Variants in SLC35F3 observed in about 807,000 individuals in gnomAD.
SLC35F3 encodes the protein putative thiamine transporter SLC35F3.
A neutral mutation model predicts 49.9 loss-of-function variants in SLC35F3; 25 were observed. The observed-to-expected ratio is 0.50, with a 90% CI of 0.37 to 0.70. SLC35F3 has a LOEUF of 0.70. Among genes scored for constraint, SLC35F3 ranks in the 30% least tolerant of loss-of-function variants. The pLI is 0.00. For missense variants in SLC35F3, 525 were observed against 639.8 expected (o/e 0.82, Z 1.94); for synonymous variants, 275 against 265.4 (o/e 1.04, Z -0.35).
At chr1:234,101,639 A>G (rs937370107) in intron 2 of SLC35F3, among the ~76,000 whole-genome samples, 3 of 152,274 alleles carry the variant, frequency 2.0e-5, no homozygotes, top group Admixed American at 1.3e-4. Context: ...TCCTGAGCCC[A>G]GAATAGCACT....
intron 2 of SLC35F3, among the ~76,000 whole-genome samples, chr1:234,178,461 GA>G (rs35770557): frequency 0.49 from 68,734 of 140,886 alleles, 17,574 homozygotes; most frequent in Non-Finnish European, 0.61. Context: ...CTCTCCTAAG[GA>G]AAAAAAAAAA....
At chr1:234,202,695 A>C (rs1420696812) in intron 2 of SLC35F3, among the ~76,000 whole-genome samples, 1 of 152,236 alleles carries the variant, frequency 6.6e-6, no homozygotes. Flanking sequence ...CCAGGGCACC[A>C]CAGAGATTGG....
chr1:234,190,718 T>A (rs1438249689), intron 2 of SLC35F3, among the ~76,000 whole-genome samples: 1 of 152,182 alleles, frequency 6.6e-6, no homozygotes, highest in Non-Finnish European at 1.5e-5. Flanking sequence ...CAACTTGACT[T>A]AACGGATATT....
At chr1:234,067,232 T>C (rs1664635347) in intron 2 of SLC35F3, among the ~76,000 whole-genome samples, 1 of 152,182 alleles carries the variant, frequency 6.6e-6, no homozygotes, top group African/African-American at 2.4e-5. Flanking sequence ...GGGGTTTATA[T>C]TTGCCTCAAT....
intron 2 of SLC35F3, among the ~76,000 whole-genome samples, chr1:234,058,328 ATTTTTTTTTT>A (rs56960667): frequency 2.3e-4 from 9 of 39,792 alleles, no homozygotes; most frequent in Admixed American, 6.7e-4. Flanking sequence ...ATGTTCCTGA[ATTTTTTTTTT>A]TTTTTTTTTT....
intron 2 of SLC35F3, among the ~76,000 whole-genome samples, chr1:233,927,232 G>A (rs4561098): frequency 0.021 from 3,186 of 152,104 alleles, 93 homozygotes; most frequent in African/African-American, 0.072. Flanking sequence ...TGTAGATTTT[G>A]TGTGAACATA....
chr1:234,138,696 C>T lies in SLC35F3; in HGVS notation c.284-92721C>T, dbSNP rs533850017. 8.5e-5 allele frequency among the ~76,000 whole-genome samples: 13 copies of T among 152,204 alleles called. No homozygotes were observed. In the East Asian group the frequency reaches 1.2e-3, roughly 14 times the overall value. ...CCAAGTAGCTGTGATTATAGGTGTGCGCCACCATGCTTAGCTAATTTTTTA... is the reference window on the plus strand; with the variant it reads ...CCAAGTAGCTGTGATTATAGGTGTGTGCCACCATGCTTAGCTAATTTTTTA... On this transcript the variant is annotated intron_variant, in intron 2 of 7. Coordinates refer to ENST00000366618, the MANE Select transcript of SLC35F3 (RefSeq NM_173508.4).
chr1:234,189,663 G>C (rs1461751400), intron 2 of SLC35F3, among the ~76,000 whole-genome samples: 2 of 151,970 alleles, frequency 1.3e-5, no homozygotes, highest in African/African-American at 4.8e-5. Flanking sequence ...TAATTAAGGA[G>C]AACTTCCTCA....
At chr1:233,920,888 C>T (rs113508602) in intron 2 of SLC35F3, among the ~76,000 whole-genome samples, 187 of 152,296 alleles carry the variant, frequency 1.2e-3, no homozygotes, top group African/African-American at 4.1e-3. Flanking sequence ...CAGTCAACAA[C>T]GCTGTAGGCA....
At position 234,132,449 on chromosome 1, in the gene SLC35F3, C is replaced by T. The variant is rs1364470340; in HGVS notation, c.284-98968C>T. 2.6e-5 allele frequency among the ~76,000 whole-genome samples: 4 copies of T among 152,290 alleles called. No homozygotes were observed. In the South Asian group the frequency reaches 6.2e-4, roughly 24 times the overall value. On this transcript the variant is annotated intron_variant, in intron 2 of 7. Coordinates refer to ENST00000366618, the MANE Select transcript of SLC35F3 (RefSeq NM_173508.4). ...CAAAATTTCACATTTTTGGCATGTGCGGCCAAGTTTGCATCCAAAGGTTGG... is the reference window on the plus strand; with the variant it reads ...CAAAATTTCACATTTTTGGCATGTGTGGCCAAGTTTGCATCCAAAGGTTGG...
chr1:234,215,843 C>T (rs1032297454), intron 2 of SLC35F3, among the ~76,000 whole-genome samples: 44 of 152,298 alleles, frequency 2.9e-4, no homozygotes, highest in African/African-American at 8.7e-4. Context: ...GGTGGGTTAA[C>T]GTGTCCTAGA....
intron 2 of SLC35F3, among the ~76,000 whole-genome samples, chr1:234,093,409 A>G (rs1326490641): frequency 6.6e-6 from 1 of 152,184 alleles, no homozygotes; most frequent in Non-Finnish European, 1.5e-5. Flanking sequence ...CCTAGTCCTC[A>G]CCGTATCTCC....
chr1:234,303,479 C>CT (rs1186450037), intron 3 of SLC35F3, among the ~76,000 whole-genome samples: 1 of 152,232 alleles, frequency 6.6e-6, no homozygotes, highest in Non-Finnish European at 1.5e-5. Context: ...GCTGCCACGT[C>CT]TTTTTCCTCC....
intron 3 of SLC35F3, among the ~76,000 whole-genome samples, chr1:234,256,907 G>T (rs906166389): frequency 6.6e-6 from 1 of 152,206 alleles, no homozygotes. Flanking sequence ...ACGCTTCTCA[G>T]CCTGTCCCAG....
chr1:234,314,394 C>T (rs1042622088), intron 4 of SLC35F3, among the ~76,000 whole-genome samples: 1 of 152,180 alleles, frequency 6.6e-6, no homozygotes, highest in Non-Finnish European at 1.5e-5. Context: ...CAGAAAAAAT[C>T]ACCCCTCACT....
intron 3 of SLC35F3, among the ~76,000 whole-genome samples, chr1:234,233,314 C>A (rs757080965): frequency 6.6e-6 from 1 of 152,200 alleles, no homozygotes; most frequent in Non-Finnish European, 1.5e-5. Flanking sequence ...GGATGGTATG[C>A]TACTGCCTCT....
At chr1:233,918,974 A>G (rs1453647558) in intron 2 of SLC35F3, among the ~76,000 whole-genome samples, 1 of 152,178 alleles carries the variant, frequency 6.6e-6, no homozygotes, top group Non-Finnish European at 1.5e-5. Context: ...AAAAGTACAC[A>G]CAGATACATC....
chr1:233,915,896 G>A (rs527656384), intron 2 of SLC35F3, among the ~76,000 whole-genome samples: 29 of 152,250 alleles, frequency 1.9e-4, no homozygotes, highest in Admixed American at 4.6e-4. Context: ...ATTATCTCCC[G>A]CCAGGTCCCT....
At chr1:234,055,687 C>G (rs1664447125) in intron 2 of SLC35F3, among the ~76,000 whole-genome samples, 1 of 152,188 alleles carries the variant, frequency 6.6e-6, no homozygotes, top group Non-Finnish European at 1.5e-5. Context: ...TGAGATGAAC[C>G]CAGTACCACA....
Sources: allele counts gnomAD v4.1 joint callset (sites outside exome capture counted in the v4.1 genomes callset), GRCh38; gene constraint gnomAD v4.1.1; transcripts MANE v1.5; gene names NCBI Gene and HGNC (gene_info 2026-07-23, HGNC 2026-07-21).